Variants in TMEM123 observed in about 807,000 individuals in gnomAD.
TMEM123 encodes transmembrane protein 123.
TMEM123 carries 16 observed loss-of-function variants against 19.7 expected under a neutral mutation model. That is an observed-to-expected ratio of 0.81 (90% CI 0.55 to 1.23). The LOEUF is 1.23. Among genes scored for constraint, TMEM123 ranks in the 50% most tolerant of loss-of-function variants. TMEM123 has a pLI of 0.00. For missense variants in TMEM123, 313 were observed against 257.8 expected, an observed-to-expected ratio of 1.21 and a Z score of -1.47; for synonymous variants, 118 against 99.4, an observed-to-expected ratio of 1.19 and a Z score of -1.12.
intron 2 of TMEM123, among the ~76,000 whole-genome samples, chr11:102,405,207 C>G (rs1357930707): frequency 1.3e-5 from 2 of 151,992 alleles, no homozygotes; most frequent in African/African-American, 4.8e-5. Flanking sequence ...CACCACCACG[C>G]CTGGCTAATT....
At chr11:102,401,409 T>C (rs1354287153) in intron 4 of TMEM123, 130 bp downstream of exon 4, 1 of 815,136 alleles carries the variant, frequency 1.2e-6, no homozygotes, top group Non-Finnish European at 1.7e-6. Flanking sequence ...GCCAAAAGGG[T>C]TAATGGGAAT....
chr11:102,451,213 T>C (rs577517521), intron 1 of TMEM123: 28 of 152,338 alleles, frequency 1.8e-4, no homozygotes, highest in African/African-American at 6.5e-4. Context: ...GTTTCTCTAA[T>C]CGGTAATTCA....
rs527784992 is a variant in TMEM123 at position 102,437,589 on chromosome 11, C to CT, written c.157+11222dup. On this transcript the variant is annotated intron_variant, in intron 2 of 4. Transcript: ENST00000398136. ...CATTTAATTTGGGTCCTATTTACAA[C>CT]TTTAAGAATGGAGGCATACTTCAGG... 7.9e-5 allele frequency among the ~76,000 whole-genome samples: 12 copies of CT among 152,088 alleles called. No individual in the cohort carries two copies. In the South Asian group the frequency reaches 2.5e-3, roughly 32 times the overall value.
rs547419305 is a variant in TMEM123, at chr11:102,403,820, G to A, written c.158-1614C>T. Among the ~76,000 whole-genome samples the A allele has an allele frequency of 3.3e-5, 5 of 152,244 alleles. No individual in the cohort carries two copies. In the South Asian group the frequency reaches 6.2e-4, roughly 19 times the overall value. On this transcript the variant is annotated intron_variant, in intron 2 of 4. Transcript: ENST00000398136. ...AAACTGGATCAGTTCCTGTGGAAAT[G>A]AGTTCCCATGAAAGGGGGTTGTTAT... is the stretch of plus-strand genomic sequence containing the variant.
rs780992745 is a variant in TMEM123, at chr11:102,402,065, G to C, written c.299C>G (p.Pro100Arg). Residue 100 changes from proline (P) to arginine (R), a missense_variant, in exon 3 of 5, where the codon CCA becomes CGA. Coordinates refer to ENST00000398136, the MANE Select transcript of TMEM123 (RefSeq NM_052932.3). ...KPTAASNTTT[P>R]GMVSTNMTST... The stretch of plus-strand genomic sequence containing the variant: ...AGTCATATTTGTTGAGACCATCCCT[G>C]GTGTTGTTGTATTAGATGCCGCTGT... 2 of 1,614,056 alleles carry C rather than the reference G, an allele frequency of 1.2e-6. No homozygotes were observed. The highest frequency in any genetic ancestry group is 2.2e-5 in the South Asian group (2 of 91,068).
intron 2 of TMEM123, among the ~76,000 whole-genome samples, chr11:102,433,946 CAATT>C (rs1857737486): frequency 6.6e-6 from 1 of 151,822 alleles, no homozygotes; most frequent in Non-Finnish European, 1.5e-5. Context: ...AACTGTGACT[CAATT>C]AAACCTCTTT....
At chr11:102,439,719 A>G (rs946766241) in intron 2 of TMEM123, among the ~76,000 whole-genome samples, 3 of 152,224 alleles carry the variant, frequency 2.0e-5, no homozygotes, top group Non-Finnish European at 1.5e-5. Flanking sequence ...TTGAGAGAAG[A>G]AGGCTTCAGA....
At chr11:102,401,761 C>A in intron 3 of TMEM123, 69 bp from the exon 4 acceptor site, 1 of 1,496,610 alleles carries the variant, frequency 6.7e-7, no homozygotes. Context: ...AATTAAAGCT[C>A]TCTGATTTTC....
At chr11:102,445,921 C>T (rs1285830656) in intron 2 of TMEM123, among the ~76,000 whole-genome samples, 7 of 152,150 alleles carry the variant, frequency 4.6e-5, no homozygotes, top group Admixed American at 3.3e-4. Flanking sequence ...TAATGGCAAT[C>T]GTAATAAATG....
chr11:102,431,916 C>T (rs1366762783), intron 2 of TMEM123, among the ~76,000 whole-genome samples: 1 of 152,168 alleles, frequency 6.6e-6, no homozygotes, highest in African/African-American at 2.4e-5. Flanking sequence ...TCCCTGCTGG[C>T]ACTTTCTCTC....
chr11:102,411,831 A>G (rs1952007795), intron 2 of TMEM123, among the ~76,000 whole-genome samples: 1 of 152,208 alleles, frequency 6.6e-6, no homozygotes, highest in Non-Finnish European at 1.5e-5. Context: ...AGTGTCAGAC[A>G]CAGTTCTGGG....
intron 2 of TMEM123, among the ~76,000 whole-genome samples, chr11:102,443,862 A>C (rs574713464): frequency 6.6e-6 from 1 of 152,330 alleles, no homozygotes; most frequent in South Asian, 2.1e-4. Flanking sequence ...AAAAAAATCA[A>C]ACAACCCCAT....
chr11:102,452,651 C>A lies in TMEM123; in HGVS notation c.-28G>T. 2.1e-6 allele frequency: 3 copies of A among 1,450,442 alleles called. No individual in the cohort carries two copies. The highest frequency in any genetic ancestry group is 2.2e-5 in the Admixed American group (1 of 44,752). The allele number at this position is 1,450,442 out of a possible 1,614,324, so 89.8% of individuals were successfully genotyped here. On this transcript the variant is annotated 5_prime_UTR_variant, in exon 1 of 5. Transcript: ENST00000398136. ...TTCCGAGGGCAGGATGCGGCAGCCTCGTGGGCTCCCAGCCGAGGTGGCGGC... is the reference window on the plus strand; with the variant it reads ...TTCCGAGGGCAGGATGCGGCAGCCTAGTGGGCTCCCAGCCGAGGTGGCGGC...
At chr11:102,448,100 A>T (rs949290784) in intron 2 of TMEM123, 18 of 391,398 alleles carry the variant, frequency 4.6e-5, no homozygotes, top group Non-Finnish European at 7.6e-5. Flanking sequence ...AGAGTCCATA[A>T]ATATTCCCTG....
intron 2 of TMEM123, among the ~76,000 whole-genome samples, chr11:102,406,579 A>AAGAT (rs1183183300): frequency 6.6e-6 from 1 of 152,112 alleles, no homozygotes; most frequent in African/African-American, 2.4e-5. Flanking sequence ...TGCCTTAAAA[A>AAGAT]AGATAGCTTC....
At chr11:102,449,818 C>T (rs1222600927) in intron 1 of TMEM123, among the ~76,000 whole-genome samples, 2 of 152,188 alleles carry the variant, frequency 1.3e-5, no homozygotes, top group East Asian at 3.8e-4. Context: ...TCATCTAACC[C>T]TCTCAACAAT....
intron 3 of TMEM123, 92 bp from the exon 4 acceptor site, chr11:102,401,784 A>C (rs963236242): frequency 1.3e-6 from 2 of 1,496,690 alleles, no homozygotes; most frequent in Non-Finnish European, 1.8e-6. Flanking sequence ...TGTTAAGAAC[A>C]TTTAATTAGG....
intron 2 of TMEM123, among the ~76,000 whole-genome samples, chr11:102,410,511 C>CAAAA (rs796159138): frequency 0.011 from 1,129 of 105,354 alleles, 20 homozygotes; most frequent in African/African-American, 0.036. Flanking sequence ...CTGTTAGTTA[C>CAAAA]AAAAAAAAAA....
At chr11:102,448,911 C>A (rs938938245) in intron 1 of TMEM123, 43 bp from the exon 2 acceptor site, 27 of 1,587,756 alleles carry the variant, frequency 1.7e-5, no homozygotes, top group Non-Finnish European at 2.3e-5. Flanking sequence ...GAACATTTAA[C>A]TAAGAATACT....
Sources: gnomAD v4.1 joint callset for allele counts (sites outside exome capture counted in the v4.1 genomes callset) on GRCh38, gnomAD v4.1.1 for gene constraint, MANE v1.5 for transcripts, NCBI Gene and HGNC (gene_info 2026-07-23, HGNC 2026-07-21) for gene names.